The following CSMD1 variants were observed in gnomAD, a reference collection of about 807,000 sequenced individuals.
CSMD1 encodes the protein CUB and Sushi multiple domains 1, also known as CUB and sushi domain-containing protein 1.
In CSMD1, 213 loss-of-function variants were observed where a neutral mutation model predicts 417.5. The observed-to-expected ratio is 0.51, with a 90% confidence interval of 0.46 to 0.57. The LOEUF (loss-of-function observed/expected upper bound fraction) is 0.57, where lower values mean the gene tolerates loss of function less well. Ranked by LOEUF, CSMD1 falls within the 20% of genes least tolerant of loss-of-function variation. CSMD1 has a pLI of 0.00. For synonymous variants in CSMD1, 2,862 were observed against 1,736.8 expected, an observed-to-expected ratio of 1.65 and a Z score of -16.11; for missense variants, 6,923 against 4,529.7, an observed-to-expected ratio of 1.53 and a Z score of -15.17.
intron 25 of CSMD1, among the ~76,000 whole-genome samples, chr8:3,304,356 C>CATTTTTTCTGAGT (rs767003439): frequency 4.6e-5 from 7 of 152,126 alleles, no homozygotes; most frequent in Non-Finnish European, 8.8e-5. Flanking sequence ...GACCAGACAC[C>CATTTTTTCTGAGT]ATTTTTTCTG....
In CSMD1 at chr8:4,737,753, T is replaced by G. The variant is rs148711096; in HGVS notation, c.86-100195A>C. Reference sequence around the variant, plus strand: ...ATGGCTTAAATCAATGCAAAGGCAATAGAAAGGCCAGAGAAGACATAGAAA... The same window carrying G: ...ATGGCTTAAATCAATGCAAAGGCAAGAGAAAGGCCAGAGAAGACATAGAAA... On this transcript the variant is annotated intron_variant, in intron 1 of 69. Coordinates refer to ENST00000635120, the MANE Select transcript of CSMD1 (RefSeq NM_033225.6). Among the ~76,000 whole-genome samples the G allele has an allele frequency of 2.5e-3, 386 of 152,222 alleles. 2 individuals carry two copies. Among genetic ancestry groups the G allele is most frequent in the African/African-American group, 8.8e-3 (367 of 41,548 alleles).
intron 1 of CSMD1, among the ~76,000 whole-genome samples, chr8:4,942,278 A>G (rs1808055812): frequency 6.6e-6 from 1 of 152,032 alleles, no homozygotes; most frequent in African/African-American, 2.4e-5. Flanking sequence ...CATCTTGATA[A>G]AACTATGATT....
intron 5 of CSMD1, among the ~76,000 whole-genome samples, chr8:3,832,581 C>G (rs951272500): frequency 4.6e-5 from 7 of 151,898 alleles, no homozygotes; most frequent in African/African-American, 1.7e-4. Context: ...CGTAAAAAAA[C>G]AAAAACAGAA....
chr8:4,245,331 C>T (rs535000098), intron 3 of CSMD1, among the ~76,000 whole-genome samples: 1 of 152,174 alleles, frequency 6.6e-6, no homozygotes, highest in Non-Finnish European at 1.5e-5. Flanking sequence ...GCTTGTGAGG[C>T]TGCAGAGGGT....
Position 4,041,157 on chromosome 8 carries a change from C to G in CSMD1, c.416-9058G>C, listed in dbSNP as rs1162124071. 7.2e-5 allele frequency among the ~76,000 whole-genome samples: 11 copies of G among 151,730 alleles called. 1 individual carries two copies. The highest frequency in any genetic ancestry group is 5.9e-4 in the Admixed American group (9 of 15,240). On this transcript the variant is annotated intron_variant, in intron 3 of 69. Transcript: ENST00000635120. ...TCAGCCTCCCGAGTAGCTGGGACTA[C>G]AGGCGCCCGCCACCACGCCCGGCTA...
chr8:4,607,204 G>C (rs1800923040), intron 2 of CSMD1, among the ~76,000 whole-genome samples: 1 of 152,048 alleles, frequency 6.6e-6, no homozygotes. Flanking sequence ...GGCAGGAGTG[G>C]GAGAGGTAGA....
chr8:4,467,842 G>A (rs1435069492), intron 2 of CSMD1, among the ~76,000 whole-genome samples: 1 of 152,132 alleles, frequency 6.6e-6, no homozygotes, highest in Non-Finnish European at 1.5e-5. Context: ...GAAATAATTG[G>A]ACAAAAGTCA....
chr8:4,405,422 C>G (rs551364618), intron 3 of CSMD1, among the ~76,000 whole-genome samples: 6 of 151,968 alleles, frequency 3.9e-5, no homozygotes, highest in African/African-American at 1.5e-4. Context: ...TTCTTAACCT[C>G]AGTTGTCAAT....
chr8:3,979,763 A>T (rs546467710), intron 5 of CSMD1, among the ~76,000 whole-genome samples: 3 of 152,332 alleles, frequency 2.0e-5, no homozygotes, highest in Non-Finnish European at 2.9e-5. Context: ...TGTGAGAAAT[A>T]AGTGTGTGTT....
intron 5 of CSMD1, among the ~76,000 whole-genome samples, chr8:3,778,382 G>T (rs76055255): frequency 0.32 from 49,299 of 152,140 alleles, 8,084 homozygotes; most frequent in Admixed American, 0.37. Flanking sequence ...TAAGAAGACC[G>T]GGGGCAGAAA....
intron 1 of CSMD1, among the ~76,000 whole-genome samples, chr8:4,873,539 C>A (rs1242527255): frequency 6.6e-6 from 1 of 152,058 alleles, no homozygotes; most frequent in Non-Finnish European, 1.5e-5. Flanking sequence ...ATCTTAACAG[C>A]ATCTAAGAAC....
At chr8:3,175,519 TCC>T (rs1563111745) in intron 37 of CSMD1, among the ~76,000 whole-genome samples, 12 of 119,296 alleles carry the variant, frequency 1.0e-4, no homozygotes, top group African/African-American at 3.3e-4. Context: ...CTTTTTTCCT[TCC>T]TTCCTTCCTT....
intron 3 of CSMD1, among the ~76,000 whole-genome samples, chr8:4,237,543 T>TC: frequency 6.6e-6 from 1 of 151,968 alleles, no homozygotes. Flanking sequence ...ACTTTTTTTT[T>TC]TTTGTTTTTG....
intron 26 of CSMD1, among the ~76,000 whole-genome samples, chr8:3,270,136 G>T (rs1234283856): frequency 6.9e-6 from 1 of 144,448 alleles, no homozygotes; most frequent in African/African-American, 2.5e-5. Flanking sequence ...TGCAACCTCT[G>T]CCTCCCGGGT....
chr8:4,946,106 C>A (rs1157633290), intron 1 of CSMD1, among the ~76,000 whole-genome samples: 2 of 152,104 alleles, frequency 1.3e-5, no homozygotes, highest in Non-Finnish European at 2.9e-5. Flanking sequence ...GCTGTCTCTA[C>A]GTGGCTCTGA....
At chr8:4,773,400 T>G (rs1454327444) in intron 1 of CSMD1, among the ~76,000 whole-genome samples, 1 of 152,162 alleles carries the variant, frequency 6.6e-6, no homozygotes, top group Non-Finnish European at 1.5e-5. Context: ...TAGCTCCTTG[T>G]TTCTGCAGCA....
intron 10 of CSMD1, among the ~76,000 whole-genome samples, chr8:3,572,352 C>T (rs552409326): frequency 1.3e-5 from 2 of 152,206 alleles, no homozygotes; most frequent in Admixed American, 6.5e-5. Context: ...CACTGTGAAG[C>T]GGGCTAAGAG....
Position 3,349,838 on chromosome 8 carries a change from T to A in CSMD1, c.3305-1677A>T, listed in dbSNP as rs1310421397. 9.6e-3 allele frequency among the ~76,000 whole-genome samples: 1,375 copies of A among 142,640 alleles called. 18 individuals are homozygous for A. The highest frequency in any genetic ancestry group is 0.031 in the African/African-American group (1,228 of 39,296). The allele number at this position is 142,640 out of a possible 152,430, so 93.6% of individuals were successfully genotyped here. A position where few individuals can be genotyped will look rare whatever the true frequency, so the allele number is the denominator to read the frequency against. ...ATACATATAAAATATATATAATATA[T>A]CTAGATATAAATATATATAATTATA... On this transcript the variant is annotated intron_variant, in intron 21 of 69. Transcript: ENST00000635120.
At chr8:4,105,931 G>A (rs1392068798) in intron 3 of CSMD1, among the ~76,000 whole-genome samples, 4 of 152,284 alleles carry the variant, frequency 2.6e-5, no homozygotes, top group East Asian at 3.9e-4. Context: ...GGTTCGGTGC[G>A]TCCTGAATAC....
Sources: gnomAD v4.1 joint callset for allele counts (sites outside exome capture counted in the v4.1 genomes callset) on GRCh38, gnomAD v4.1.1 for gene constraint, MANE v1.5 for transcripts, NCBI Gene and HGNC (gene_info 2026-07-23, HGNC 2026-07-21) for gene names.